The following CELF4 variants were observed in gnomAD, a reference collection of about 807,000 sequenced individuals.
The protein encoded by CELF4 is CUG-BP- and ETR-3-like factor 4.
CELF4 carries 18 observed loss-of-function variants against 59.9 expected under a neutral mutation model. That is an observed-to-expected ratio of 0.30 (90% confidence interval 0.21 to 0.45). CELF4 has a LOEUF of 0.45. CELF4 is among the 20% of genes least tolerant of loss of function. CELF4 has a pLI of 1.00. For synonymous variants in CELF4, 261 were observed against 267.1 expected (o/e 0.98, Z 0.22); for missense variants, 456 against 689.0 (o/e 0.66, Z 3.79).
Position 37,270,821 on chromosome 18 carries a change from T to C in CELF4, c.1046A>G (p.Asn349Ser), listed in dbSNP as rs370321472. 8 of 1,614,002 alleles carry C rather than the reference T, an allele frequency of 5.0e-6. No individual in the cohort carries two copies. The highest frequency in any genetic ancestry group is 1.3e-5 in the African/African-American group (1 of 75,066). Residue 349 changes from asparagine to serine, a missense_variant, in exon 8 of 13, where the codon AAT (asparagine) becomes AGT (serine). Transcript: ENST00000420428. Reference sequence around the variant, plus strand: ...CACAGCTTCCGCAGCAGGTTGCCCATTGGCCTGTGGGGGGAGGCCGGTGAA... The same window carrying C: ...CACAGCTTCCGCAGCAGGTTGCCCACTGGCCTGTGGGGGGAGGCCGGTGAA... ...NGFTGLPPQA[N>S]GQPAAEAVFA... is the part of the protein sequence containing the mutation.
chr18:37,285,944 T>A (rs910226450), intron 3 of CELF4, among the ~76,000 whole-genome samples: 11 of 152,198 alleles, frequency 7.2e-5, no homozygotes, highest in Admixed American at 5.9e-4. Context: ...TCCGCTGGCG[T>A]CTGGCACACT....
At chr18:37,381,297 T>G (rs1212025792) in intron 2 of CELF4, among the ~76,000 whole-genome samples, 1 of 152,236 alleles carries the variant, frequency 6.6e-6, no homozygotes, top group Non-Finnish European at 1.5e-5. Context: ...TAGGCAATTA[T>G]GTCACAAAAT....
In CELF4 at chr18:37,446,560, A is replaced by C. The variant is rs560170606; in HGVS notation, c.369+38965T>G. Among the ~76,000 whole-genome samples, 16 of 152,344 alleles carry C rather than the reference A, an allele frequency of 1.1e-4. 1 individual carries two copies. The East Asian group carries it at 3.1e-3, about 29-fold the overall frequency. ...CACCTGGAAGATGGTCCCAGCCCCC[A>C]GTGTGTAGGGTTAAATGAGAGTCCA... On this transcript the variant is annotated intron_variant, in intron 2 of 12. Coordinates refer to ENST00000420428, the MANE Select transcript of CELF4 (RefSeq NM_020180.4).
intron 2 of CELF4, among the ~76,000 whole-genome samples, chr18:37,460,619 AG>A (rs753124566): frequency 1.3e-5 from 2 of 152,236 alleles, no homozygotes; most frequent in East Asian, 3.8e-4. Flanking sequence ...CAGGGCCCCA[AG>A]GTAAGCACTG....
chr18:37,374,577 A>G (rs1286968067), intron 2 of CELF4, among the ~76,000 whole-genome samples: 1 of 152,210 alleles, frequency 6.6e-6, no homozygotes, highest in Non-Finnish European at 1.5e-5. Flanking sequence ...GTGCAGAAGC[A>G]GGGGCTCCCC....
intron 2 of CELF4, among the ~76,000 whole-genome samples, chr18:37,358,003 C>T (rs189021982): frequency 6.6e-6 from 1 of 152,308 alleles, no homozygotes; most frequent in East Asian, 1.9e-4. Context: ...AGGGACTTGC[C>T]TTGTCTCAGG....
chr18:37,548,377 C>T (rs1190023278), intron 1 of CELF4, among the ~76,000 whole-genome samples: 1 of 152,144 alleles, frequency 6.6e-6, no homozygotes, highest in Admixed American at 6.5e-5. Context: ...TACTGCTCTC[C>T]GAGTTTCCAT....
At chr18:37,521,586 G>T (rs749832928) in intron 1 of CELF4, among the ~76,000 whole-genome samples, 5 of 152,084 alleles carry the variant, frequency 3.3e-5, no homozygotes, top group Non-Finnish European at 7.3e-5. Context: ...CATACATTTT[G>T]ACAGCTTATC....
In CELF4 at chr18:37,334,801, C is replaced by T. The variant is rs2097703616; in HGVS notation, c.370-12920G>A. 2.0e-5 allele frequency among the ~76,000 whole-genome samples: 3 copies of T among 152,008 alleles called. No homozygotes were observed. In the South Asian group the frequency reaches 6.2e-4, roughly 32 times the overall value. ...GGCCTGGAGAGAGCAGGAAAGAGTC[C>T]CCAGGCATGTTAAAAGAAAAAACAA... On this transcript the variant is annotated intron_variant, in intron 2 of 12. Coordinates refer to ENST00000420428, the MANE Select transcript of CELF4 (RefSeq NM_020180.4).
chr18:37,487,867 T>C (rs1480721160), intron 1 of CELF4, among the ~76,000 whole-genome samples: 3 of 152,198 alleles, frequency 2.0e-5, no homozygotes, highest in Non-Finnish European at 4.4e-5. Context: ...TTGTCCAGCT[T>C]CCAGGAATTT....
chr18:37,467,426 C>T (rs1480791611), intron 2 of CELF4, among the ~76,000 whole-genome samples: 1 of 152,172 alleles, frequency 6.6e-6, no homozygotes, highest in Admixed American at 6.5e-5. Flanking sequence ...GAGTTTTGGA[C>T]ACCGCCAGAA....
chr18:37,266,945 G>T (rs1019675732), intron 8 of CELF4, among the ~76,000 whole-genome samples: 3 of 149,828 alleles, frequency 2.0e-5, no homozygotes, highest in Non-Finnish European at 4.4e-5. Flanking sequence ...GGTGGGGGGG[G>T]ACACACAAGG....
intron 10 of CELF4, among the ~76,000 whole-genome samples, chr18:37,262,023 C>T (rs769639988): frequency 6.6e-6 from 1 of 152,206 alleles, no homozygotes; most frequent in Non-Finnish European, 1.5e-5. Context: ...GCCCACCTTG[C>T]GCCTGTCTCT....
At chr18:37,356,134 C>A (rs2098559549) in intron 2 of CELF4, among the ~76,000 whole-genome samples, 1 of 152,194 alleles carries the variant, frequency 6.6e-6, no homozygotes, top group Non-Finnish European at 1.5e-5. Flanking sequence ...AATACCCACA[C>A]CTTTCCATTT....
At chr18:37,545,634 G>A (rs370714919) in intron 1 of CELF4, among the ~76,000 whole-genome samples, 6 of 152,002 alleles carry the variant, frequency 3.9e-5, no homozygotes, top group Non-Finnish European at 7.4e-5. Context: ...CTCTGGCCTC[G>A]CTGGTCGAGT....
At chr18:37,255,377 T>C (rs2068590118) in intron 11 of CELF4, among the ~76,000 whole-genome samples, 1 of 151,970 alleles carries the variant, frequency 6.6e-6, no homozygotes. Context: ...CCATCGTCTC[T>C]TTCTTTCTCT....
At chr18:37,517,688 T>C (rs2099952342) in intron 1 of CELF4, among the ~76,000 whole-genome samples, 1 of 152,106 alleles carries the variant, frequency 6.6e-6, no homozygotes, top group Admixed American at 6.5e-5. Context: ...TCCTTCACTG[T>C]CAAGTCTGGG....
intron 3 of CELF4, among the ~76,000 whole-genome samples, chr18:37,320,413 A>G (rs1445481313): frequency 6.6e-6 from 1 of 151,958 alleles, no homozygotes; most frequent in African/African-American, 2.4e-5. Context: ...AATTTTTCTA[A>G]ACCCTTTCCG....
Position 37,418,292 on chromosome 18 carries a change from C to G in CELF4, c.369+67233G>C, listed in dbSNP as rs183888648. Among the ~76,000 whole-genome samples, 416 of 152,300 alleles carry G rather than the reference C, an allele frequency of 2.7e-3. 1 individual carries two copies. Among genetic ancestry groups the G allele is most frequent in the Non-Finnish European group, 4.2e-3 (289 of 68,026 alleles). ...ATGACTGTAGCATGGAGGTTTCAAACTTGGTCAAGCACGGGCAGGTCTGAT... is the reference window on the plus strand; with the variant it reads ...ATGACTGTAGCATGGAGGTTTCAAAGTTGGTCAAGCACGGGCAGGTCTGAT... On this transcript the variant is annotated intron_variant, in intron 2 of 12. Coordinates refer to ENST00000420428, the MANE Select transcript of CELF4 (RefSeq NM_020180.4).
Sources: gnomAD v4.1 joint callset for allele counts (sites outside exome capture counted in the v4.1 genomes callset) on GRCh38, gnomAD v4.1.1 for gene constraint, MANE v1.5 for transcripts, NCBI Gene and HGNC (gene_info 2026-07-23, HGNC 2026-07-21) for gene names.